TBC1D1: variants seen among roughly 807,000 people sequenced by gnomAD.
TBC1D1 encodes TBC1 (tre-2/USP6, BUB2, cdc16) domain family, member 1.
Under a neutral mutation model 125.6 loss-of-function variants are expected in TBC1D1, and 89 were observed. The ratio of observed to expected loss-of-function variants is 0.71; its 90% confidence interval spans 0.60 to 0.85. The LOEUF (loss-of-function observed/expected upper bound fraction) is 0.85, where lower values mean the gene tolerates loss of function less well. TBC1D1 is among the 40% of genes least tolerant of loss of function. The pLI, the probability that TBC1D1 is intolerant of heterozygous loss-of-function variation, is 0.00. For synonymous variants in TBC1D1, 565 were observed against 564.1 expected (o/e 1.00, Z -0.02); for missense variants, 1,377 against 1,469.2 (o/e 0.94, Z 1.03).
At chr4:38,068,709 C>A (rs1430267949) in intron 12 of TBC1D1, among the ~76,000 whole-genome samples, 1 of 152,218 alleles carries the variant, frequency 6.6e-6, no homozygotes, top group Non-Finnish European at 1.5e-5. Flanking sequence ...ACATTAGCCT[C>A]ATTTCAAGAG....
At chr4:38,023,786 A>G (rs1744533603) in intron 6 of TBC1D1, among the ~76,000 whole-genome samples, 1 of 152,178 alleles carries the variant, frequency 6.6e-6, no homozygotes, top group African/African-American at 2.4e-5. Flanking sequence ...GCTGACGTGC[A>G]AATATCTGTT....
At chr4:38,056,848 T>TC (rs570800739) in intron 12 of TBC1D1, among the ~76,000 whole-genome samples, 3 of 152,148 alleles carry the variant, frequency 2.0e-5, no homozygotes, top group Non-Finnish European at 4.4e-5. Flanking sequence ...GAAGTTTTTT[T>TC]CCCTCGCATA....
chr4:38,135,995 A>G (rs1436189172), intron 19 of TBC1D1, among the ~76,000 whole-genome samples: 7 of 151,296 alleles, frequency 4.6e-5, no homozygotes, highest in Non-Finnish European at 1.0e-4. Flanking sequence ...CCTAAAATGG[A>G]GCATGGCAAA....
intron 4 of TBC1D1, 133 bp downstream of exon 4, chr4:38,018,576 G>A (rs140203902): frequency 5.9e-6 from 3 of 506,736 alleles, no homozygotes; most frequent in Middle Eastern, 5.0e-4. Flanking sequence ...TTTGTGTTTC[G>A]CTTTTCTTCT....
chr4:38,035,275 T>C (rs1381769371), intron 7 of TBC1D1, among the ~76,000 whole-genome samples: 1 of 152,214 alleles, frequency 6.6e-6, no homozygotes, highest in Non-Finnish European at 1.5e-5. Context: ...TGGGTATTTA[T>C]ATGGATTTTG....
chr4:37,952,310 A>C, intron 2 of TBC1D1: 1 of 523,436 alleles, frequency 1.9e-6, no homozygotes, highest in Non-Finnish European at 3.5e-6. Context: ...GACTTGGGGA[A>C]AGGGCTGATA....
At chr4:38,076,732 A>C (rs1268416668) in intron 12 of TBC1D1, among the ~76,000 whole-genome samples, 1 of 152,130 alleles carries the variant, frequency 6.6e-6, no homozygotes, top group Admixed American at 6.5e-5. Context: ...CCTTAGATAA[A>C]TATATAGATA....
chr4:38,100,005 A>G (rs986367558), intron 14 of TBC1D1, among the ~76,000 whole-genome samples: 8 of 152,220 alleles, frequency 5.3e-5, no homozygotes, highest in African/African-American at 1.7e-4. Flanking sequence ...CCAGTTTGAG[A>G]AAAAGTATTT....
chr4:38,124,190 G>T (rs636487), intron 17 of TBC1D1, among the ~76,000 whole-genome samples: 1 of 137,700 alleles, frequency 7.3e-6, no homozygotes, highest in African/African-American at 2.9e-5. Context: ...TAGTTATCGT[G>T]GCTCTGCTTT....
chr4:37,985,279 T>C (rs115363084), intron 2 of TBC1D1, among the ~76,000 whole-genome samples: 2,070 of 152,322 alleles, frequency 0.014, 34 homozygotes, highest in African/African-American at 0.047. Flanking sequence ...ATGAATCTAA[T>C]CTTAAGTATC....
At chr4:37,906,339 G>T (rs1717327489) in intron 2 of TBC1D1, among the ~76,000 whole-genome samples, 1 of 152,064 alleles carries the variant, frequency 6.6e-6, no homozygotes, top group Non-Finnish European at 1.5e-5. Context: ...GTAGAGACAG[G>T]GTTTCACCGT....
chr4:37,950,013 T>C (rs1727511989), intron 2 of TBC1D1, among the ~76,000 whole-genome samples: 1 of 152,118 alleles, frequency 6.6e-6, no homozygotes, highest in Admixed American at 6.6e-5. Flanking sequence ...CTTCCCTGTG[T>C]CTTTATTTAC....
rs1560621762 is a variant in TBC1D1, at chr4:38,014,867, G to T, written c.776G>T (p.Gly259Val). The T allele has an allele frequency of 2.5e-6, 4 of 1,611,272 alleles. No homozygotes were observed. The highest frequency in any genetic ancestry group is 1.3e-5 in the African/African-American group (1 of 75,004). ...CAGGATGGGGGCCTCCGAAGCAGCG[G>T]CTTCTTCAGCTCCTTCGAGGAGAGC... The change falls in exon 3 of 20, where the codon GGC (glycine) becomes GTC (valine). Residue 259 changes from glycine (G) to valine (V), a missense_variant. Coordinates refer to ENST00000261439, the MANE Select transcript of TBC1D1 (RefSeq NM_015173.4). The surrounding 1 kb of genome is among the most constrained non-coding windows in gnomAD (Gnocchi z 5.1).
chr4:38,094,056 T>C (rs767738005), intron 13 of TBC1D1, among the ~76,000 whole-genome samples: 2 of 152,228 alleles, frequency 1.3e-5, no homozygotes, highest in Admixed American at 6.5e-5. Flanking sequence ...AGTTAAATAA[T>C]ACATGATGGT....
intron 2 of TBC1D1, among the ~76,000 whole-genome samples, chr4:37,926,167 C>T (rs1327750446): frequency 1.3e-5 from 2 of 152,182 alleles, no homozygotes; most frequent in Non-Finnish European, 2.9e-5. Flanking sequence ...TACAGGAAGA[C>T]CTTTCTAGTG....
At chr4:37,918,450 C>CT (rs776753435) in intron 2 of TBC1D1, among the ~76,000 whole-genome samples, 6,742 of 141,986 alleles carry the variant, frequency 0.047, 189 homozygotes, top group Non-Finnish European at 0.062. Context: ...GCATTTTCCT[C>CT]TTTTTTTTTT....
intron 2 of TBC1D1, among the ~76,000 whole-genome samples, chr4:37,907,599 G>A (rs1444736136): frequency 1.3e-5 from 2 of 152,180 alleles, no homozygotes; most frequent in African/African-American, 2.4e-5. Flanking sequence ...TGTGAACACA[G>A]TGGCATAAGG....
intron 17 of TBC1D1, chr4:38,118,567 CTG>C (rs1763355995): frequency 5.8e-6 from 1 of 173,220 alleles, no homozygotes; most frequent in Non-Finnish European, 1.2e-5. Context: ...CTGATGCTGA[CTG>C]TGGGCCTCTG....
At chr4:37,957,971 T>G (rs1050439146) in intron 2 of TBC1D1, among the ~76,000 whole-genome samples, 2 of 152,234 alleles carry the variant, frequency 1.3e-5, no homozygotes, top group African/African-American at 4.8e-5. Context: ...TGTGGAAAGC[T>G]TCACTGGAAA....
Sources: allele counts gnomAD v4.1 joint callset (sites outside exome capture counted in the v4.1 genomes callset), GRCh38; gene constraint gnomAD v4.1.1; non-coding constraint Gnocchi (gnomAD v3.1); transcripts MANE v1.5; gene names NCBI Gene and HGNC (gene_info 2026-07-23, HGNC 2026-07-21).